SREK1IP1: variants seen among roughly 807,000 people sequenced by gnomAD.
The protein encoded by SREK1IP1 is SREK1 interacting protein 1, also known as protein SREK1IP1.
In SREK1IP1, 12 loss-of-function variants were observed where a neutral mutation model predicts 22.8. The observed-to-expected ratio is 0.53, with a 90% CI of 0.34 to 0.85. SREK1IP1 has a LOEUF of 0.85. Among genes scored for constraint, SREK1IP1 ranks in the 40% least tolerant of loss-of-function variants. SREK1IP1 has a pLI of 0.02. For synonymous variants in SREK1IP1, 53 were observed against 52.7 expected, an observed-to-expected ratio of 1.01 and a Z score of -0.02; for missense variants, 147 against 171.8, an observed-to-expected ratio of 0.86 and a Z score of 0.81.
rs1178261455 is a variant in SREK1IP1, at chr5:64,749,103, TAATAAA to T, written c.61+5206_61+5211del. On this transcript the variant is annotated intron_variant, in intron 2 of 4. Transcript: ENST00000513458. ...ATAATAATAATAATAATAATAATAATAATAAAAACCCTCCAGTTTCATGTTTCATTT... is the reference window on the plus strand; with the variant it reads ...ATAATAATAATAATAATAATAATAATAACCCTCCAGTTTCATGTTTCATTT... 8.4e-5 allele frequency among the ~76,000 whole-genome samples: 12 copies of T among 142,286 alleles called. No individual in the cohort carries two copies. The East Asian group carries it at 2.2e-3, about 26-fold the overall frequency. The allele number at this position is 142,286 out of a possible 152,430, so 93.3% of individuals were successfully genotyped here.
At position 64,741,206 on chromosome 5, in the gene SREK1IP1, T is replaced by C; in HGVS notation, c.62-6A>G. 1 of 1,605,368 alleles carries C rather than the reference T, an allele frequency of 6.2e-7. No individual in the cohort carries two copies. The highest frequency in any genetic ancestry group is 8.5e-7 in the Non-Finnish European group (1 of 1,175,674). ...TTCAAAAGTCAGGTGACCAGCTAAG[T>C]GAAACAAACAAAAAAAATGTGAGTG... is the stretch of plus-strand genomic sequence containing the variant. On this transcript the variant is annotated splice_region_variant and splice_polypyrimidine_tract_variant and intron_variant, in intron 2 of 4. Coordinates refer to ENST00000513458, the MANE Select transcript of SREK1IP1 (RefSeq NM_173829.4).
chr5:64,730,463 G>A (rs114509126), intron 3 of SREK1IP1, among the ~76,000 whole-genome samples: 1 of 152,260 alleles, frequency 6.6e-6, no homozygotes, highest in African/African-American at 2.4e-5. Flanking sequence ...TTGAAATGAT[G>A]ACGCAGAGAG....
Position 64,724,362 on chromosome 5 carries a change from A to T in SREK1IP1, c.*22T>A, listed in dbSNP as rs770640918. 1 of 1,497,986 alleles carries T rather than the reference A, an allele frequency of 6.7e-7. No individual in the cohort carries two copies. The highest frequency in any genetic ancestry group is 2.4e-5 in the Admixed American group (1 of 42,368). 92.8% of individuals were successfully genotyped at this position (1,497,986 alleles called of 1,614,324 possible). A position where few individuals can be genotyped will look rare whatever the true frequency, so the allele number is the denominator to read the frequency against. On this transcript the variant is annotated 3_prime_UTR_variant, in exon 5 of 5. Coordinates refer to ENST00000513458, the MANE Select transcript of SREK1IP1 (RefSeq NM_173829.4). ...TTTTAAAAACAAATTTTTAAATTTA[A>T]CGGCTTAAGCCAAAGTCTCAGTTAC... is the stretch of plus-strand genomic sequence containing the variant.
At chr5:64,731,266 A>G (rs904501038) in intron 3 of SREK1IP1, among the ~76,000 whole-genome samples, 1 of 152,194 alleles carries the variant, frequency 6.6e-6, no homozygotes, top group East Asian at 1.9e-4. Context: ...GAAAAATAAG[A>G]CAATTGAGAG....
intron 1 of SREK1IP1, among the ~76,000 whole-genome samples, chr5:64,763,928 T>C (rs1183210889): frequency 6.6e-6 from 1 of 152,186 alleles, no homozygotes; most frequent in Non-Finnish European, 1.5e-5. Flanking sequence ...TGGCACAATT[T>C]AACATTATTA....
intron 3 of SREK1IP1, among the ~76,000 whole-genome samples, chr5:64,738,777 C>A (rs552513367): frequency 6.6e-6 from 1 of 152,210 alleles, no homozygotes; most frequent in South Asian, 2.1e-4. Context: ...TATCCACATA[C>A]AAAAGAATAA....
chr5:64,767,406 A>G (rs893552550), intron 1 of SREK1IP1, among the ~76,000 whole-genome samples: 2 of 152,128 alleles, frequency 1.3e-5, no homozygotes, highest in African/African-American at 4.8e-5. Context: ...TCACCACTGT[A>G]TTTCCAATGC....
intron 2 of SREK1IP1, among the ~76,000 whole-genome samples, chr5:64,743,698 GATTTTGCTAT>G: frequency 6.6e-6 from 1 of 152,258 alleles, no homozygotes; most frequent in Non-Finnish European, 1.5e-5. Flanking sequence ...TTGTAACACA[GATTTTGCTAT>G]ATATTTTGAG....
intron 4 of SREK1IP1, among the ~76,000 whole-genome samples, chr5:64,725,711 G>T (rs1742250580): frequency 6.6e-6 from 1 of 151,836 alleles, no homozygotes; most frequent in Non-Finnish European, 1.5e-5. Flanking sequence ...CTGCACCCTT[G>T]CCTCTTCAGT....
In SREK1IP1 at chr5:64,721,400, G is replaced by A. The variant is rs745467894; in HGVS notation, c.*2984C>T. On this transcript the variant is annotated 3_prime_UTR_variant, in exon 5 of 5. Coordinates refer to ENST00000513458, the MANE Select transcript of SREK1IP1 (RefSeq NM_173829.4). ...ACTCTTCAGCCTAGTTTACTCTGAA[G>A]GTAAACTAGGGTTATATAATTTTAG... The A allele has an allele frequency of 3.9e-5, 6 of 152,038 alleles. No homozygotes were observed. Among genetic ancestry groups the A allele is most frequent in the Non-Finnish European group, 8.8e-5 (6 of 68,008 alleles). 9.4% of individuals were successfully genotyped at this position (152,038 alleles called of 1,614,324 possible).
Position 64,755,300 on chromosome 5 carries a change from T to C in SREK1IP1, c.14-938A>G, listed in dbSNP as rs112645559. Among the ~76,000 whole-genome samples the C allele has an allele frequency of 9.6e-3, 1,449 of 150,884 alleles. 22 individuals are homozygous for C. The highest frequency in any genetic ancestry group is 0.034 in the African/African-American group (1,381 of 41,180). On this transcript the variant is annotated intron_variant, in intron 1 of 4. Transcript: ENST00000513458. ...AGCATTATTTACAACAGCAAAGACA[T>C]GGAATCAACTGAGGTGCCCATCAAT...
chr5:64,763,565 T>G (rs1275984878), intron 1 of SREK1IP1, among the ~76,000 whole-genome samples: 1 of 150,512 alleles, frequency 6.6e-6, no homozygotes, highest in Non-Finnish European at 1.5e-5. Flanking sequence ...AAAAAAAAAA[T>G]AGAAGAGACA....
At chr5:64,736,915 C>CT (rs563372606) in intron 3 of SREK1IP1, among the ~76,000 whole-genome samples, 3,336 of 131,264 alleles carry the variant, frequency 0.025, 46 homozygotes, top group African/African-American at 0.037. Context: ...TGTCTCTCTT[C>CT]TTTTTTTTTT....
chr5:64,754,566 C>A, intron 1 of SREK1IP1: 1 of 487,284 alleles, frequency 2.1e-6, no homozygotes, highest in Non-Finnish European at 3.7e-6. Context: ...CTGGCTCAGG[C>A]GATCCTCCTA....
chr5:64,755,555 T>C (rs1338019405), intron 1 of SREK1IP1, among the ~76,000 whole-genome samples: 2 of 152,018 alleles, frequency 1.3e-5, no homozygotes, highest in African/African-American at 2.4e-5. Context: ...CTGGGGACCA[T>C]TGGGAGAGGA....
In SREK1IP1 at chr5:64,740,948, C is replaced by T. The variant is rs1295528931; in HGVS notation, c.205+109G>A. 6.0e-6 allele frequency: 6 copies of T among 998,758 alleles called. No individual in the cohort carries two copies. The African/African-American group carries it at 8.2e-5, about 14-fold the overall frequency. 61.9% of individuals were successfully genotyped at this position (998,758 alleles called of 1,614,324 possible). On this transcript the variant is annotated intron_variant, in intron 3 of 4. Transcript: ENST00000513458. Reference sequence around the variant, plus strand: ...TTAAAACCTATTTCCTATGCAGTAGCTCTTACATAAACTATAAAAGAGATC... The same window carrying T: ...TTAAAACCTATTTCCTATGCAGTAGTTCTTACATAAACTATAAAAGAGATC...
chr5:64,722,888 G>A lies in SREK1IP1; in HGVS notation c.*1496C>T, dbSNP rs1742196407. 1 of 152,196 alleles carries A rather than the reference G, an allele frequency of 6.6e-6. No individual in the cohort carries two copies. The highest frequency in any genetic ancestry group is 2.4e-5 in the African/African-American group (1 of 41,454). The allele number at this position is 152,196 out of a possible 1,614,324, so 9.4% of individuals were successfully genotyped here. ...CTTACTGAGGGTATCCACATTGGGT[G>A]CCAGGTGAAACAAGAATCAGTAAAC... On this transcript the variant is annotated 3_prime_UTR_variant, in exon 5 of 5. Coordinates refer to ENST00000513458, the MANE Select transcript of SREK1IP1 (RefSeq NM_173829.4).
In SREK1IP1 at chr5:64,741,207, G is replaced by A; in HGVS notation, c.62-7C>T. 1 of 1,603,508 alleles carries A rather than the reference G, an allele frequency of 6.2e-7. No homozygotes were observed. Among genetic ancestry groups the A allele is most frequent in the East Asian group, 2.3e-5 (1 of 44,290 alleles). On this transcript the variant is annotated splice_region_variant and splice_polypyrimidine_tract_variant and intron_variant, in intron 2 of 4. Coordinates refer to ENST00000513458, the MANE Select transcript of SREK1IP1 (RefSeq NM_173829.4). ...TCAAAAGTCAGGTGACCAGCTAAGT[G>A]AAACAAACAAAAAAAATGTGAGTGA...
At chr5:64,758,400 T>C (rs149518933) in intron 1 of SREK1IP1, among the ~76,000 whole-genome samples, 322 of 152,290 alleles carry the variant, frequency 2.1e-3, no homozygotes, top group African/African-American at 7.5e-3. Context: ...TAATATGTCA[T>C]TGAAGCTTTT....
Sources: gnomAD v4.1 joint callset for allele counts (sites outside exome capture counted in the v4.1 genomes callset) on GRCh38, gnomAD v4.1.1 for gene constraint, MANE v1.5 for transcripts, NCBI Gene and HGNC (gene_info 2026-07-23, HGNC 2026-07-21) for gene names.